Variants in CYP4X1 observed in about 807,000 individuals in gnomAD.
CYP4X1 encodes the protein cytochrome P450 family 4 subfamily X member 1.
In CYP4X1, 44 loss-of-function variants were observed where a neutral mutation model predicts 57.9. That is an observed-to-expected ratio of 0.76 (90% CI 0.60 to 0.98). The LOEUF (loss-of-function observed/expected upper bound fraction) is 0.98. Among genes scored for constraint, CYP4X1 ranks in the 50% least tolerant of loss-of-function variants. The probability of loss-of-function intolerance (pLI) is 0.00; values close to 1 mark genes in which losing one functional copy is unlikely to be tolerated. For synonymous variants in CYP4X1, 227 were observed against 228.6 expected, an observed-to-expected ratio of 0.99 and a Z score of 0.06; for missense variants, 532 against 623.9, an observed-to-expected ratio of 0.85 and a Z score of 1.57.
At chr1:46,977,022 C>A in the CYP4X1 span, among the ~76,000 whole-genome samples, 1 of 152,240 alleles carries the variant, frequency 6.6e-6, no homozygotes, top group East Asian at 1.9e-4. Context: ...GGGGAGAAAC[C>A]AGAGCAGGAA....
the CYP4X1 span, among the ~76,000 whole-genome samples, chr1:47,004,181 ACGGGGCTCTTGAGCCCCTGTGCT>A: frequency 8.5e-4 from 129 of 152,366 alleles, no homozygotes; most frequent in African/African-American, 3.1e-3. Flanking sequence ...AAATTCTGTA[ACGGGGCTCTTGAGCCCCTGTGCT>A]CGGGGCCGCT....
chr1:47,013,338 C>T, the CYP4X1 span, among the ~76,000 whole-genome samples: 2 of 152,150 alleles, frequency 1.3e-5, no homozygotes, highest in Non-Finnish European at 2.9e-5. Context: ...CACATATGAC[C>T]AAGGTCAAGT....
chr1:47,010,471 A>C, the CYP4X1 span, among the ~76,000 whole-genome samples: 3 of 152,152 alleles, frequency 2.0e-5, no homozygotes, highest in Non-Finnish European at 4.4e-5. Context: ...ATGGGCAAAA[A>C]CTGGAAGCAC....
chr1:47,048,723 G>C, intron 10 of CYP4X1, 94 bp downstream of exon 10: 1 of 1,180,430 alleles, frequency 8.5e-7, no homozygotes, highest in African/African-American at 1.6e-5. Flanking sequence ...ATATAATTAA[G>C]GGAAATGACA....
the CYP4X1 span, among the ~76,000 whole-genome samples, chr1:46,981,659 G>A: frequency 3.9e-5 from 6 of 152,294 alleles, no homozygotes; most frequent in Admixed American, 1.3e-4. Context: ...TATAAATCAT[G>A]CTACTATAAA....
At chr1:47,046,321 G>A (rs1246449271) in intron 8 of CYP4X1, 146 bp from the exon 9 acceptor site, 1 of 1,056,942 alleles carries the variant, frequency 9.5e-7, no homozygotes, top group Non-Finnish European at 1.4e-6. Context: ...TCCTGAGGCA[G>A]AGAGTCCCAT....
At chr1:46,971,978 C>G in the CYP4X1 span, among the ~76,000 whole-genome samples, 1 of 152,216 alleles carries the variant, frequency 6.6e-6, no homozygotes, top group South Asian at 2.1e-4. Context: ...GTTGCAATTG[C>G]TTTTAGAGTC....
Position 47,031,483 on chromosome 1 carries a change from A to G in CYP4X1, c.364+3A>G. On this transcript the variant is annotated splice_donor_region_variant and intron_variant, in intron 3 of 11. Transcript: ENST00000371901. ...GAAATTCTCACCTCCACTTCTTGGT[A>G]TGTATGTGCAAATGAGAGGTATAAC... The G allele has an allele frequency of 6.2e-7, 1 of 1,614,044 alleles. No homozygotes were observed. The highest frequency in any genetic ancestry group is 8.5e-7 in the Non-Finnish European group (1 of 1,179,958).
chr1:47,023,290 G>C (rs759042327), upstream of CYP4X1, among the ~76,000 whole-genome samples: 10 of 152,078 alleles, frequency 6.6e-5, no homozygotes. Context: ...CATGGTACAC[G>C]CTGGGAATCA....
the CYP4X1 span, among the ~76,000 whole-genome samples, chr1:46,986,305 G>A: frequency 6.6e-6 from 1 of 152,128 alleles, no homozygotes; most frequent in South Asian, 2.1e-4. Context: ...ATCTCTTAAT[G>A]AAATAAAGCG....
In CYP4X1 at chr1:47,038,655, C is replaced by A; in HGVS notation, c.776-5C>A. The A allele has an allele frequency of 6.3e-7, 1 of 1,594,056 alleles. No individual in the cohort carries two copies. The highest frequency in any genetic ancestry group is 8.5e-7 in the Non-Finnish European group (1 of 1,171,084). ...TTGGTAATTGGAAACTATTTTTCTA[C>A]CCAGATACAATAATCCAGGAAAGAA... On this transcript the variant is annotated splice_polypyrimidine_tract_variant and splice_region_variant and intron_variant, in intron 6 of 11. Coordinates refer to ENST00000371901, the MANE Select transcript of CYP4X1 (RefSeq NM_178033.2).
chr1:46,987,153 G>A, the CYP4X1 span, among the ~76,000 whole-genome samples: 7 of 151,956 alleles, frequency 4.6e-5, no homozygotes, highest in African/African-American at 9.7e-5. Context: ...AAAGACACAC[G>A]TAGGCTCAAA....
At chr1:47,020,617 C>T (rs2148500964), upstream of CYP4X1, among the ~76,000 whole-genome samples, 1 of 152,316 alleles carries the variant, frequency 6.6e-6, no homozygotes, top group South Asian at 2.1e-4. Flanking sequence ...AAATGTTCAA[C>T]CCATGTTTAC....
rs1569664682 is a variant in CYP4X1, at chr1:47,050,000, G to T, written c.1356G>T (p.Arg452Ser). ...CACTTTCTTTCCCTCTTGTCTTCAGGAACTGCATTGGGCAGGAGTTTGCCA... is the reference window on the plus strand; with the variant it reads ...CACTTTCTTTCCCTCTTGTCTTCAGTAACTGCATTGGGCAGGAGTTTGCCA... Reference protein sequence around the residue: ...YAYLPFSAGSRNCIGQEFAMI... With the variant: ...YAYLPFSAGSSNCIGQEFAMI... Residue 452 changes from arginine to serine, a missense_variant and splice_region_variant, in exon 12 of 12, where the codon AGG becomes AGT. Arg to Ser is a moderately radical substitution (Grantham distance 110). Transcript: ENST00000371901. 6.2e-7 allele frequency: 1 copy of T among 1,612,112 alleles called. No individual in the cohort carries two copies. The highest frequency in any genetic ancestry group is 8.5e-7 in the Non-Finnish European group (1 of 1,179,432).
chr1:47,008,982 C>A, the CYP4X1 span, among the ~76,000 whole-genome samples: 2 of 152,118 alleles, frequency 1.3e-5, no homozygotes, highest in African/African-American at 2.4e-5. Context: ...GACTTTAACA[C>A]CCCACTGTGA....
At chr1:46,980,947 G>T in the CYP4X1 span, among the ~76,000 whole-genome samples, 1 of 152,126 alleles carries the variant, frequency 6.6e-6, no homozygotes, top group East Asian at 1.9e-4. Flanking sequence ...AGCTGAAACT[G>T]GATCCCTTCC....
rs1031154053 is a variant in CYP4X1 at position 47,024,000 on chromosome 1, T to TGGGAGGGAGGA, written c.177+13_177+23dup. ...GGTTCCTTGGGCACCAGAAGGTAGA[T>TGGGAGGGAGGA]GGGAGGGAGGAGGGAGGAAGGAGGA... is the stretch of plus-strand genomic sequence containing the variant. On this transcript the variant is annotated splice_region_variant and intron_variant, in intron 1 of 11. Transcript: ENST00000371901. 1.9e-6 allele frequency: 3 copies of TGGGAGGGAGGA among 1,609,916 alleles called. No homozygotes were observed. Among genetic ancestry groups the TGGGAGGGAGGA allele is most frequent in the South Asian group, 2.2e-5 (2 of 90,768 alleles).
At chr1:46,984,464 C>T in the CYP4X1 span, among the ~76,000 whole-genome samples, 3 of 150,026 alleles carry the variant, frequency 2.0e-5, no homozygotes, top group South Asian at 2.1e-4. Context: ...CCTGGGAGAT[C>T]AATGCAGAAT....
At chr1:46,993,401 A>C in the CYP4X1 span, among the ~76,000 whole-genome samples, 1 of 152,192 alleles carries the variant, frequency 6.6e-6, no homozygotes, top group Non-Finnish European at 1.5e-5. Context: ...ATACATATGC[A>C]TGTGTCTTTA....
Sources: allele counts gnomAD v4.1 joint callset (sites outside exome capture counted in the v4.1 genomes callset), GRCh38; gene constraint gnomAD v4.1.1; transcripts MANE v1.5; gene names NCBI Gene and HGNC (gene_info 2026-07-23, HGNC 2026-07-21).